The following FBXL13 variants were observed in gnomAD, a reference collection of about 807,000 sequenced individuals.
The protein encoded by FBXL13 is F-box and leucine-rich repeat protein 13.
FBXL13 carries 67 observed loss-of-function variants against 83.6 expected under a neutral mutation model. The ratio of observed to expected loss-of-function variants is 0.80; its 90% confidence interval spans 0.66 to 0.98. The LOEUF is 0.98. FBXL13 is among the 50% of genes least tolerant of loss of function. The pLI, the probability that FBXL13 is intolerant of heterozygous loss-of-function variation, is 0.00. For missense variants in FBXL13, 822 were observed against 866.5 expected (o/e 0.95, Z 0.64); for synonymous variants, 272 against 299.5 (o/e 0.91, Z 0.95).
chr7:103,014,880 C>A (rs992668649), intron 6 of FBXL13, among the ~76,000 whole-genome samples: 1 of 142,456 alleles, frequency 7.0e-6, no homozygotes, highest in Non-Finnish European at 1.5e-5. Context: ...GCCGAGATCA[C>A]GCCACTGCAC....
chr7:102,889,128 G>A (rs973154766), intron 11 of FBXL13, among the ~76,000 whole-genome samples: 2 of 152,182 alleles, frequency 1.3e-5, no homozygotes, highest in African/African-American at 4.8e-5. Flanking sequence ...GGAGTAGGGG[G>A]TCTTGAGAAC....
At chr7:102,889,413 TTTA>T (rs1036721667) in intron 11 of FBXL13, among the ~76,000 whole-genome samples, 3 of 151,774 alleles carry the variant, frequency 2.0e-5, no homozygotes, top group African/African-American at 4.9e-5. Flanking sequence ...GTTTTTAATT[TTTA>T]TTATTATTAT....
At chr7:102,895,586 A>G (rs1812153821) in intron 11 of FBXL13, among the ~76,000 whole-genome samples, 1 of 152,188 alleles carries the variant, frequency 6.6e-6, no homozygotes, top group Non-Finnish European at 1.5e-5. Flanking sequence ...TGGTTGTTCC[A>G]TGCCTGGCTT....
chr7:102,913,631 A>G (rs1208733294), intron 10 of FBXL13, among the ~76,000 whole-genome samples: 1 of 152,224 alleles, frequency 6.6e-6, no homozygotes, highest in Admixed American at 6.5e-5. Flanking sequence ...TAAAAGGACA[A>G]ATCCTTTGTA....
chr7:103,028,395 T>G, intron 4 of FBXL13, among the ~76,000 whole-genome samples: 1 of 152,196 alleles, frequency 6.6e-6, no homozygotes, highest in South Asian at 2.1e-4. Flanking sequence ...AGATTTGATT[T>G]TAAATGTTTT....
chr7:103,009,657 G>T (rs886676301), intron 6 of FBXL13, among the ~76,000 whole-genome samples: 1 of 152,256 alleles, frequency 6.6e-6, no homozygotes, highest in African/African-American at 2.4e-5. Flanking sequence ...AGCCCCAGTA[G>T]AGGCTGCAGT....
chr7:102,864,613 C>A (rs1400309928), intron 16 of FBXL13, among the ~76,000 whole-genome samples: 1 of 152,134 alleles, frequency 6.6e-6, no homozygotes, highest in Non-Finnish European at 1.5e-5. Flanking sequence ...AGGTAATCCA[C>A]CCTCCTTGAC....
chr7:102,988,307 G>A (rs1479904222), intron 6 of FBXL13: 2 of 152,248 alleles, frequency 1.3e-5, no homozygotes, highest in East Asian at 1.9e-4. Flanking sequence ...TTTAAGGGGC[G>A]GGGATGATAC....
chr7:102,852,807 C>T (rs964583810), intron 17 of FBXL13, among the ~76,000 whole-genome samples: 1 of 152,180 alleles, frequency 6.6e-6, no homozygotes, highest in Non-Finnish European at 1.5e-5. Context: ...AAAAGTAGAA[C>T]TATCATTTGA....
chr7:103,038,913 C>A (rs187764262), intron 2 of FBXL13, among the ~76,000 whole-genome samples: 104 of 152,326 alleles, frequency 6.8e-4, no homozygotes, highest in East Asian at 6.2e-3. Context: ...GGCCTATTCT[C>A]TTCCAAAGGA....
intron 16 of FBXL13, among the ~76,000 whole-genome samples, chr7:102,862,715 T>C (rs573877567): frequency 4.3e-4 from 65 of 152,368 alleles, no homozygotes; most frequent in African/African-American, 1.5e-3. Context: ...TCTATCTTCA[T>C]ATTACTTGAC....
At chr7:102,886,027 T>C (rs1181743674) in intron 11 of FBXL13, among the ~76,000 whole-genome samples, 1 of 152,242 alleles carries the variant, frequency 6.6e-6, no homozygotes, top group African/African-American at 2.4e-5. Flanking sequence ...ACTGTAGCTT[T>C]GTAGTACCGA....
At chr7:103,033,001 G>A (rs1364992446) in intron 2 of FBXL13, among the ~76,000 whole-genome samples, 2 of 152,098 alleles carry the variant, frequency 1.3e-5, no homozygotes, top group Non-Finnish European at 2.9e-5. Flanking sequence ...CTGCACTCCA[G>A]CCTGGGCAAC....
chr7:102,962,503 A>C (rs1346242164), intron 8 of FBXL13, among the ~76,000 whole-genome samples: 1 of 152,202 alleles, frequency 6.6e-6, no homozygotes. Context: ...AAAGGACTAG[A>C]AATCATGCTG....
intron 19 of FBXL13, among the ~76,000 whole-genome samples, chr7:102,819,078 C>T (rs545743086): frequency 6.6e-6 from 1 of 152,078 alleles, no homozygotes; most frequent in Non-Finnish European, 1.5e-5. Context: ...TTGGATTAGC[C>T]TTTTCGCTAA....
intron 11 of FBXL13, among the ~76,000 whole-genome samples, chr7:102,890,996 A>G (rs1811470830): frequency 6.6e-6 from 1 of 152,230 alleles, no homozygotes; most frequent in Non-Finnish European, 1.5e-5. Context: ...CTGACTTAGC[A>G]AGTAGAATGA....
intron 16 of FBXL13, among the ~76,000 whole-genome samples, chr7:102,865,980 A>C (rs193097201): frequency 6.6e-6 from 1 of 152,094 alleles, no homozygotes; most frequent in Admixed American, 6.5e-5. Flanking sequence ...ATTTTTGTTT[A>C]TTTCTACTTA....
rs752972621 is a variant in FBXL13 at position 103,029,424 on chromosome 7, GTAAA to G, written c.1-10_1-7del. The G allele has an allele frequency of 3.0e-5, 44 of 1,446,380 alleles. 1 individual carries two copies. The highest frequency in any genetic ancestry group is 3.6e-4 in the Middle Eastern group (2 of 5,530). The allele number at this position is 1,446,380 out of a possible 1,614,324, so 89.6% of individuals were successfully genotyped here. A position where few individuals can be genotyped will look rare whatever the true frequency, so the allele number is the denominator to read the frequency against. ...ATCATCAATTCCGGAGTCATCTAAA[GTAAA>G]TAAATAATTGAAATAACAAATATTA... On this transcript the variant is annotated splice_region_variant and splice_polypyrimidine_tract_variant and intron_variant, in intron 2 of 19. Transcript: ENST00000313221.
Position 102,822,389 on chromosome 7 carries a change from T to C in FBXL13, c.1855-186A>G, listed in dbSNP as rs995010053. On this transcript the variant is annotated intron_variant, in intron 18 of 19. Coordinates refer to ENST00000313221, the Ensembl canonical transcript of FBXL13. ...GAGATAAAGATAGAGGTACCTGCAATTGGTGTCTTGGGAAGTCCCTCCTTA... is the reference window on the plus strand; with the variant it reads ...GAGATAAAGATAGAGGTACCTGCAACTGGTGTCTTGGGAAGTCCCTCCTTA... 3.0e-5 allele frequency: 21 copies of C among 699,696 alleles called. 1 individual carries two copies. The highest frequency in any genetic ancestry group is 4.5e-5 in the South Asian group (3 of 66,894). The allele number at this position is 699,696 out of a possible 1,614,324, so 43.3% of individuals were successfully genotyped here.
Sources: allele counts gnomAD v4.1 joint callset (sites outside exome capture counted in the v4.1 genomes callset), GRCh38; gene constraint gnomAD v4.1.1; transcripts MANE v1.5; gene names NCBI Gene and HGNC (gene_info 2026-07-23, HGNC 2026-07-21).